TEX14: variants seen among roughly 807,000 people sequenced by gnomAD.
TEX14 encodes the protein testis expressed 14, intercellular bridge forming factor, also known as inactive serine/threonine-protein kinase TEX14.
TEX14 carries 168 observed loss-of-function variants against 178.6 expected under a neutral mutation model. The ratio of observed to expected loss-of-function variants is 0.94; its 90% CI spans 0.83 to 1.07. The LOEUF (loss-of-function observed/expected upper bound fraction) is 1.07. TEX14 is among the 50% of genes least tolerant of loss of function. The pLI is 0.00. For missense variants in TEX14, 1,730 were observed against 1,753.6 expected, an observed-to-expected ratio of 0.99 and a Z score of 0.24; for synonymous variants, 626 against 634.1, an observed-to-expected ratio of 0.99 and a Z score of 0.19.
At chr17:58,557,743 G>T in intron 31 of TEX14, 56 bp downstream of exon 31, 1 of 1,391,512 alleles carries the variant, frequency 7.2e-7, no homozygotes, top group Non-Finnish European at 1.0e-6. Flanking sequence ...TTTTAAGTCT[G>T]CTTCTGTTGT....
chr17:58,568,335 G>A, intron 26 of TEX14, among the ~76,000 whole-genome samples: 1 of 152,176 alleles, frequency 6.6e-6, no homozygotes, highest in East Asian at 1.9e-4. Context: ...AGGAGCTAAG[G>A]GTTATGATAA....
intron 28 of TEX14, among the ~76,000 whole-genome samples, chr17:58,563,414 T>C (rs2044311093): frequency 1.3e-5 from 2 of 151,564 alleles, no homozygotes; most frequent in South Asian, 4.2e-4. Context: ...TGTGTTTGCC[T>C]AACAAAATGA....
intron 8 of TEX14, among the ~76,000 whole-genome samples, chr17:58,614,342 T>G (rs1412826376): frequency 6.6e-6 from 1 of 152,018 alleles, no homozygotes; most frequent in East Asian, 1.9e-4. Flanking sequence ...ATACAAAAGT[T>G]AGCCAGGTGT....
intron 1 of TEX14, among the ~76,000 whole-genome samples, chr17:58,654,796 C>G (rs149611608): frequency 6.6e-6 from 1 of 151,736 alleles, no homozygotes; most frequent in African/African-American, 2.4e-5. Context: ...AGTGAGCCAC[C>G]GCACCTGGCC....
chr17:58,630,795 C>A (rs1344126482), intron 2 of TEX14, among the ~76,000 whole-genome samples: 1 of 152,066 alleles, frequency 6.6e-6, no homozygotes, highest in Non-Finnish European at 1.5e-5. Context: ...TAGTTCACCA[C>A]ACTGGCATAT....
At chr17:58,664,051 A>C (rs1412918051) in intron 1 of TEX14, among the ~76,000 whole-genome samples, 1 of 152,044 alleles carries the variant, frequency 6.6e-6, no homozygotes, top group African/African-American at 2.4e-5. Context: ...CAGCAACAAC[A>C]AAAAAACAAC....
intron 2 of TEX14, among the ~76,000 whole-genome samples, chr17:58,632,949 C>T (rs1395847283): frequency 1.3e-5 from 2 of 152,154 alleles, no homozygotes; most frequent in Non-Finnish European, 2.9e-5. Flanking sequence ...GTCTCACTTC[C>T]GCTGTTCTTC....
At chr17:58,679,529 G>A (rs542391864) in intron 1 of TEX14, 16 of 152,290 alleles carry the variant, frequency 1.1e-4, no homozygotes, top group Non-Finnish European at 2.1e-4. Context: ...GCCAGATCAG[G>A]GGAGAGAACC....
chr17:58,616,154 A>C, intron 7 of TEX14, 21 bp downstream of exon 7: 1 of 1,602,988 alleles, frequency 6.2e-7, no homozygotes, highest in Non-Finnish European at 8.5e-7. Context: ...TCAGACCTCA[A>C]ACTGGCCAGC....
chr17:58,563,685 AGAGAGAGAGAGAGAGAGC>A (rs1317246230), intron 28 of TEX14, among the ~76,000 whole-genome samples: 5,371 of 95,066 alleles, frequency 0.056, 300 homozygotes, highest in Admixed American at 0.064. Flanking sequence ...AGAGAGAGAG[AGAGAGAGAGAGAGAGAGC>A]GCAAGATCAT....
chr17:58,571,198 A>C (rs1337510186), intron 24 of TEX14, among the ~76,000 whole-genome samples: 1 of 151,730 alleles, frequency 6.6e-6, no homozygotes, highest in Non-Finnish European at 1.5e-5. Flanking sequence ...AAAAGTTGAC[A>C]ATCAATTTTT....
chr17:58,561,475 C>T, intron 29 of TEX14, 45 bp downstream of exon 29: 3 of 1,375,656 alleles, frequency 2.2e-6, no homozygotes, highest in Non-Finnish European at 3.1e-6. Context: ...CCTAGCCCCA[C>T]TTCCTGAAAA....
intron 1 of TEX14, among the ~76,000 whole-genome samples, chr17:58,684,883 T>G (rs2047565801): frequency 6.6e-6 from 1 of 151,582 alleles, no homozygotes. Flanking sequence ...GGCTGTGGCA[T>G]AAGAATTGCT....
intron 22 of TEX14, 78 bp downstream of exon 22, chr17:58,574,109 T>C (rs2044612683): frequency 8.4e-7 from 1 of 1,186,348 alleles, no homozygotes; most frequent in African/African-American, 1.5e-5. Flanking sequence ...GAAAGATCCT[T>C]ACAAACAAGA....
At chr17:58,671,003 A>G (rs1221947575) in intron 1 of TEX14, among the ~76,000 whole-genome samples, 2 of 152,094 alleles carry the variant, frequency 1.3e-5, no homozygotes, top group African/African-American at 4.8e-5. Flanking sequence ...ATGTCCAAAT[A>G]TTGCTTCCAC....
At chr17:58,596,179 T>A (rs1052041741) in intron 14 of TEX14, among the ~76,000 whole-genome samples, 6 of 152,128 alleles carry the variant, frequency 3.9e-5, no homozygotes, top group Non-Finnish European at 8.8e-5. Context: ...CAAGATTCTG[T>A]CTTTAAAAAT....
At chr17:58,565,721 G>C (rs1224485346) in intron 27 of TEX14, 26 bp downstream of exon 27, 3 of 1,566,386 alleles carry the variant, frequency 1.9e-6, no homozygotes, top group Non-Finnish European at 1.8e-6. Flanking sequence ...AGAACCTGAT[G>C]AAAACAATCT....
At chr17:58,624,116 T>C (rs866340619) in intron 3 of TEX14, among the ~76,000 whole-genome samples, 5 of 151,960 alleles carry the variant, frequency 3.3e-5, no homozygotes, top group Admixed American at 6.6e-5. Flanking sequence ...ACCCTGTGTC[T>C]ACTAAAAATA....
intron 1 of TEX14, chr17:58,659,222 G>A (rs192458073): frequency 3.3e-4 from 75 of 225,162 alleles, no homozygotes; most frequent in African/African-American, 2.7e-3. Context: ...GGGAAATCGC[G>A]GGAGCAAACA....
Sources: allele counts gnomAD v4.1 joint callset (sites outside exome capture counted in the v4.1 genomes callset), GRCh38; gene constraint gnomAD v4.1.1; transcripts MANE v1.5; gene names NCBI Gene and HGNC (gene_info 2026-07-23, HGNC 2026-07-21).